NAV3: variants seen among roughly 807,000 people sequenced by gnomAD.
The protein encoded by NAV3 is neuron navigator 3.
Under a neutral mutation model 244.7 loss-of-function variants are expected in NAV3, and 87 were observed. That is an observed-to-expected ratio of 0.36 (90% CI 0.30 to 0.42). NAV3 has a LOEUF of 0.42. NAV3 is among the 20% of genes least tolerant of loss of function. The probability of loss-of-function intolerance (pLI) is 1.00; values close to 1 mark genes in which losing one functional copy is unlikely to be tolerated. For missense variants in NAV3, 2,663 were observed against 2,893.3 expected, an observed-to-expected ratio of 0.92 and a Z score of 1.83; for synonymous variants, 1,126 against 1,042.2, an observed-to-expected ratio of 1.08 and a Z score of -1.55.
At chr12:77,746,113 A>C (rs2135783034) in intron 2 of NAV3, among the ~76,000 whole-genome samples, 1 of 152,200 alleles carries the variant, frequency 6.6e-6, no homozygotes, top group African/African-American at 2.4e-5. Context: ...AGAAAAAAAA[A>C]ATCTCTAGTA....
At chr12:77,647,703 A>C (rs1028063748) in intron 2 of NAV3, among the ~76,000 whole-genome samples, 2 of 151,758 alleles carry the variant, frequency 1.3e-5, no homozygotes, top group African/African-American at 2.4e-5. Flanking sequence ...TGCTATATCA[A>C]CTCTCTCTAA....
In NAV3 at chr12:78,146,456, G is replaced by A. The variant is rs1011771183; in HGVS notation, c.4707+64G>A. 4.3e-6 allele frequency: 3 copies of A among 705,546 alleles called. No homozygotes were observed. The South Asian group carries it at 1.2e-4, about 27-fold the overall frequency. 43.7% of individuals were successfully genotyped at this position (705,546 alleles called of 1,614,324 possible). A position where few individuals can be genotyped will look rare whatever the true frequency, so the allele number is the denominator to read the frequency against. On this transcript the variant is annotated intron_variant, in intron 21 of 39. Coordinates refer to ENST00000397909, the MANE Select transcript of NAV3 (RefSeq NM_001024383.2). ...TTAGTTTGCATTCATGATGAAATTA[G>A]TCTTGTGACCACTAGAGGGCTCTGT...
chr12:77,953,536 G>A (rs760127414), intron 3 of NAV3, among the ~76,000 whole-genome samples: 4 of 152,034 alleles, frequency 2.6e-5, no homozygotes, highest in East Asian at 1.9e-4. Flanking sequence ...ATTAATAAAC[G>A]TACTCCTTGT....
At chr12:77,786,646 G>T (rs34120634) in intron 2 of NAV3, among the ~76,000 whole-genome samples, 2 of 152,246 alleles carry the variant, frequency 1.3e-5, no homozygotes, top group South Asian at 4.1e-4. Flanking sequence ...CTTGAAAAAG[G>T]TATTCTTAAA....
At chr12:77,847,010 A>C (rs995434968) in intron 1 of NAV3, among the ~76,000 whole-genome samples, 10 of 152,184 alleles carry the variant, frequency 6.6e-5, no homozygotes, top group Non-Finnish European at 1.3e-4. Context: ...CCCTGAGTTG[A>C]ATATAATGAT....
At chr12:77,994,940 C>T (rs1677884) in intron 6 of NAV3, 69 bp downstream of exon 6, 134,211 of 1,177,106 alleles carry the variant, frequency 0.11, 9,551 homozygotes, top group East Asian at 0.33. Flanking sequence ...ATATTTTGTC[C>T]TATCTTTTTT....
intron 24 of NAV3, among the ~76,000 whole-genome samples, chr12:78,173,120 T>A (rs1329361010): frequency 6.6e-6 from 1 of 151,540 alleles, no homozygotes; most frequent in Non-Finnish European, 1.5e-5. Flanking sequence ...TTGCTGATAT[T>A]CATTCGGTTA....
chr12:77,961,826 A>T (rs1424904947), intron 3 of NAV3, among the ~76,000 whole-genome samples: 1 of 145,724 alleles, frequency 6.9e-6, no homozygotes, highest in Non-Finnish European at 1.5e-5. Flanking sequence ...CATTACACAC[A>T]TACAAACACA....
At chr12:77,829,720 A>G (rs1209254361), upstream of NAV3, among the ~76,000 whole-genome samples, 1 of 152,208 alleles carries the variant, frequency 6.6e-6, no homozygotes, top group Non-Finnish European at 1.5e-5. Context: ...CAAGACTTCT[A>G]ACTTACATTT....
chr12:77,910,066 G>A (rs1886419859), intron 1 of NAV3, among the ~76,000 whole-genome samples: 1 of 152,042 alleles, frequency 6.6e-6, no homozygotes, highest in Non-Finnish European at 1.5e-5. Flanking sequence ...ATGTCTCATA[G>A]GGAGTTTAAT....
At chr12:78,068,976 C>CT (rs111243195) in intron 12 of NAV3, among the ~76,000 whole-genome samples, 3,034 of 141,116 alleles carry the variant, frequency 0.021, 83 homozygotes, top group African/African-American at 0.068. Context: ...GGCATGAATT[C>CT]TTTTTTTTTT....
chr12:77,797,476 C>T (rs1157715547), intron 2 of NAV3, among the ~76,000 whole-genome samples: 3 of 147,324 alleles, frequency 2.0e-5, no homozygotes, highest in Non-Finnish European at 4.5e-5. Flanking sequence ...CATTAGTTTC[C>T]TTATTTACTC....
intron 1 of NAV3, among the ~76,000 whole-genome samples, chr12:77,929,623 T>TTTTA (rs1329506134): frequency 6.6e-6 from 1 of 151,848 alleles, no homozygotes; most frequent in Non-Finnish European, 1.5e-5. Flanking sequence ...ATAACCTTAT[T>TTTTA]TTTATTTATT....
At chr12:77,915,726 G>C (rs1036838678) in intron 1 of NAV3, among the ~76,000 whole-genome samples, 1 of 151,936 alleles carries the variant, frequency 6.6e-6, no homozygotes, top group South Asian at 2.1e-4. Context: ...CTCTAGTAGA[G>C]CTGTAAAGAC....
Position 78,118,135 on chromosome 12 carries a change from A to C in NAV3, c.2878A>C (p.Lys960Gln). The change falls in exon 14 of 40, where the codon AAG (lysine) becomes CAG (glutamine). Residue 960 changes from lysine (K) to glutamine (Q), a missense_variant. Lys to Gln is a moderately conservative substitution (Grantham distance 53). Around this residue, in one of 6 missense-constraint regions of NAV3, gnomAD observed 1,521 missense variants for 1,497.0 expected, o/e 1.02. Transcript: ENST00000397909. ...DFDSHGDAGG[K>Q]WKTVSSGLPE... ...TGACAGCCATGGGGATGCTGGTGGC[A>C]AGTGGAAGACTGTGTCCTCTGGACT... The C allele has an allele frequency of 6.2e-7, 1 of 1,614,046 alleles. No homozygotes were observed. The highest frequency in any genetic ancestry group is 8.5e-7 in the Non-Finnish European group (1 of 1,179,998).
At chr12:77,649,915 A>T (rs1299425965) in intron 2 of NAV3, among the ~76,000 whole-genome samples, 1 of 152,152 alleles carries the variant, frequency 6.6e-6, no homozygotes, top group Non-Finnish European at 1.5e-5. Flanking sequence ...GGGTTCCTTC[A>T]TGAATCATTT....
intron 2 of NAV3, among the ~76,000 whole-genome samples, chr12:77,632,602 C>T (rs1871964535): frequency 6.6e-6 from 1 of 152,126 alleles, no homozygotes; most frequent in African/African-American, 2.4e-5. Flanking sequence ...GTGGGAGCTA[C>T]AATTCAAGAT....
intron 2 of NAV3, among the ~76,000 whole-genome samples, chr12:77,619,870 G>GTC (rs1185326530): frequency 1.8e-4 from 28 of 151,366 alleles, no homozygotes; most frequent in African/African-American, 6.1e-4. Context: ...GTGACAAAAA[G>GTC]TCTCTCTCTC....
chr12:78,126,931 C>G (rs1955934010), intron 16 of NAV3, among the ~76,000 whole-genome samples: 1 of 152,122 alleles, frequency 6.6e-6, no homozygotes, highest in African/African-American at 2.4e-5. Flanking sequence ...AATCTATTTT[C>G]TAGTAATCCT....
Sources: gnomAD v4.1 joint callset for allele counts (sites outside exome capture counted in the v4.1 genomes callset) on GRCh38, gnomAD v4.1.1 for gene constraint, gnomAD v4.1.1 regional missense constraint, MANE v1.5 for transcripts, NCBI Gene and HGNC (gene_info 2026-07-23, HGNC 2026-07-21) for gene names.